CD3E: variants seen among roughly 807,000 people sequenced by gnomAD.
The protein encoded by CD3E is CD3 epsilon subunit of T-cell receptor complex, also known as T-cell surface glycoprotein CD3 epsilon chain.
CD3E carries 16 observed loss-of-function variants against 34.7 expected under a neutral mutation model. The observed-to-expected ratio is 0.46, with a 90% CI of 0.31 to 0.70. The LOEUF is 0.70. Among genes scored for constraint, CD3E ranks in the 30% least tolerant of loss-of-function variants. The pLI, the probability that CD3E is intolerant of heterozygous loss-of-function variation, is 0.05. For missense variants in CD3E, 223 were observed against 253.9 expected, an observed-to-expected ratio of 0.88 and a Z score of 0.83; for synonymous variants, 70 against 90.8, an observed-to-expected ratio of 0.77 and a Z score of 1.30.
At chr11:118,307,158 G>C in intron 2 of CD3E, 130 bp from the exon 3 acceptor site, 1 of 711,490 alleles carries the variant, frequency 1.4e-6, no homozygotes, top group East Asian at 2.6e-5. Flanking sequence ...AAATGGCTGT[G>C]ACCCAGCAGC....
intron 8 of CD3E, among the ~76,000 whole-genome samples, chr11:118,315,046 T>G (rs932377413): frequency 6.7e-6 from 1 of 149,870 alleles, no homozygotes; most frequent in Non-Finnish European, 1.5e-5. Context: ...GCCTCTTGAG[T>G]TGGGGTAACA....
At chr11:118,308,472 G>A (rs766052780) in intron 4 of CD3E, 31 bp downstream of exon 4, 1 of 1,457,588 alleles carries the variant, frequency 6.9e-7, no homozygotes, top group Admixed American at 1.7e-5. Context: ...TCTAGCAAAA[G>A]TTTTCAAATA....
intron 2 of CD3E, among the ~76,000 whole-genome samples, 198 bp downstream of exon 2, chr11:118,305,199 G>C (rs558974014): frequency 3.3e-5 from 5 of 152,368 alleles, no homozygotes; most frequent in African/African-American, 1.2e-4. Context: ...AGCGTTCGGG[G>C]AGCAGGCAAA....
intron 8 of CD3E, among the ~76,000 whole-genome samples, chr11:118,315,118 G>A (rs1948159061): frequency 6.6e-6 from 1 of 152,056 alleles, no homozygotes; most frequent in Non-Finnish European, 1.5e-5. Context: ...TGGTATGTGT[G>A]CACTCCTAGT....
Position 118,304,997 on chromosome 11 carries a change from A to C in CD3E, c.45A>C (p.Leu15Phe), listed in dbSNP as rs1948097990. ...THWRVLGLCL[L>F]SVGVWGQDGN... ...GGAGAGTTCTGGGCCTCTGCCTCTT[A>C]TCAGGTGAGTAGGATGGAGTGGAAA... The change falls in exon 2 of 9, where the codon TTA becomes TTC. Residue 15 changes from leucine to phenylalanine, a missense_variant. Transcript: ENST00000361763. 19 of 1,613,858 alleles carry C rather than the reference A, an allele frequency of 1.2e-5. No individual in the cohort carries two copies. In the East Asian group the frequency reaches 4.2e-4, roughly 36 times the overall value.
At chr11:118,313,670 T>G (rs757942732) in intron 6 of CD3E, 37 bp from the exon 7 acceptor site, 4 of 1,606,898 alleles carry the variant, frequency 2.5e-6, no homozygotes, top group Non-Finnish European at 3.4e-6. Context: ...TTTTCCTTGC[T>G]TAGTGATTTC....
intron 1 of CD3E, 52 bp downstream of exon 1, chr11:118,304,828 A>G (rs1477730544): frequency 1.2e-6 from 1 of 835,254 alleles, no homozygotes; most frequent in East Asian, 2.4e-5. Flanking sequence ...ATTGGGAACA[A>G]TGGCCCCAGG....
In CD3E at chr11:118,314,500, G is replaced by T. The variant is rs185185591; in HGVS notation, c.567+6G>T. 3.1e-6 allele frequency: 5 copies of T among 1,613,700 alleles called. No individual in the cohort carries two copies. Among genetic ancestry groups the T allele is most frequent in the Non-Finnish European group, 4.2e-6 (5 of 1,179,636 alleles). On this transcript the variant is annotated splice_donor_region_variant and intron_variant, in intron 8 of 8. Coordinates refer to ENST00000361763, the MANE Select transcript of CD3E (RefSeq NM_000733.4). Reference sequence around the variant, plus strand: ...TTCCCAACCCAGACTATGAGGTAACGTGGGATAGAAATGGGCCAGGACGCT... The same window carrying T: ...TTCCCAACCCAGACTATGAGGTAACTTGGGATAGAAATGGGCCAGGACGCT...
At position 118,315,578 on chromosome 11, in the gene CD3E, C is replaced by T. The variant is rs1408906615; in HGVS notation, c.*36C>T. On this transcript the variant is annotated 3_prime_UTR_variant, in exon 9 of 9. Coordinates refer to ENST00000361763, the MANE Select transcript of CD3E (RefSeq NM_000733.4). ...AACACTGCCTCCCGCTGGCCCAGGTCTCCTCTCCAGTCCCCCTGCGACTCC... is the reference window on the plus strand; with the variant it reads ...AACACTGCCTCCCGCTGGCCCAGGTTTCCTCTCCAGTCCCCCTGCGACTCC... 1.9e-6 allele frequency: 3 copies of T among 1,560,690 alleles called. No homozygotes were observed. Among genetic ancestry groups the T allele is most frequent in the Non-Finnish European group, 1.8e-6 (2 of 1,140,586 alleles).
intron 5 of CD3E, 115 bp from the exon 6 acceptor site, chr11:118,312,503 G>C (rs999191458): frequency 1.2e-5 from 15 of 1,243,006 alleles, no homozygotes; most frequent in African/African-American, 3.0e-5. Context: ...TGACAAGCAA[G>C]TCTAAGATCT....
In CD3E at chr11:118,315,480, C is replaced by G. The variant is rs1948161061; in HGVS notation, c.568-6C>G. Reference sequence around the variant, plus strand: ...ACTGACCGCCCCCTCTCTATTTCACCCCCAGCCCATCCGGAAAGGCCAGCG... The same window carrying G: ...ACTGACCGCCCCCTCTCTATTTCACGCCCAGCCCATCCGGAAAGGCCAGCG... On this transcript the variant is annotated splice_polypyrimidine_tract_variant and splice_region_variant and intron_variant, in intron 8 of 8. Transcript: ENST00000361763. 1 of 1,613,044 alleles carries G rather than the reference C, an allele frequency of 6.2e-7. No homozygotes were observed. The highest frequency in any genetic ancestry group is 8.5e-7 in the Non-Finnish European group (1 of 1,179,618).
At position 118,315,883 on chromosome 11, in the gene CD3E, G is replaced by A. The variant is rs1308212904; in HGVS notation, c.*341G>A. 2.3e-6 allele frequency: 1 copy of A among 435,876 alleles called. No individual in the cohort carries two copies. The highest frequency in any genetic ancestry group is 4.2e-6 in the Non-Finnish European group (1 of 238,430). 27.0% of individuals were successfully genotyped at this position (435,876 alleles called of 1,614,324 possible). On this transcript the variant is annotated 3_prime_UTR_variant, in exon 9 of 9. Coordinates refer to ENST00000361763, the MANE Select transcript of CD3E (RefSeq NM_000733.4). ...AGTTCCCTCCTTTTCTTGCATGTAA[G>A]TTGTCCCCCATCCCAAAGTATTCCA...
chr11:118,314,630 T>C (rs1948155552), intron 8 of CD3E, 136 bp downstream of exon 8: 4 of 762,814 alleles, frequency 5.2e-6, no homozygotes, highest in Non-Finnish European at 9.1e-6. Flanking sequence ...CAACCCTCTA[T>C]GTGCCACCTC....
chr11:118,313,348 A>G, intron 6 of CD3E: 1 of 380,782 alleles, frequency 2.6e-6, no homozygotes, highest in East Asian at 6.3e-5. Flanking sequence ...CTTATCAAGG[A>G]TTCTTTTTCA....
chr11:118,312,246 G>T (rs765526064), intron 5 of CD3E, 76 bp downstream of exon 5: 22 of 1,268,300 alleles, frequency 1.7e-5, no homozygotes, highest in Non-Finnish European at 2.5e-5. Flanking sequence ...AACTGATTGA[G>T]AGAGATTAAC....
chr11:118,305,770 A>G (rs1948102168), intron 2 of CD3E, among the ~76,000 whole-genome samples: 1 of 152,228 alleles, frequency 6.6e-6, no homozygotes, highest in South Asian at 2.1e-4. Context: ...TAAACCACAT[A>G]GTAAGTGCCG....
At chr11:118,310,157 TGTGCAG>T (rs1565510753) in intron 4 of CD3E, among the ~76,000 whole-genome samples, 2 of 152,238 alleles carry the variant, frequency 1.3e-5, no homozygotes, top group African/African-American at 4.8e-5. Context: ...CAGGGGTACA[TGTGCAG>T]GTTTGTTATA....
At chr11:118,312,520 C>A in intron 5 of CD3E, 98 bp from the exon 6 acceptor site, 2 of 1,378,038 alleles carry the variant, frequency 1.5e-6, no homozygotes, top group Non-Finnish European at 2.1e-6. Flanking sequence ...ATCTAGATGA[C>A]AGATGACTTC....
intron 8 of CD3E, 66 bp from the exon 9 acceptor site, chr11:118,315,420 A>G: frequency 7.3e-7 from 1 of 1,375,642 alleles, no homozygotes; most frequent in Non-Finnish European, 1.0e-6. Context: ...CTAGCTCTTC[A>G]GTGTCCTTTC....
Sources: gnomAD v4.1 joint callset for allele counts (sites outside exome capture counted in the v4.1 genomes callset) on GRCh38, gnomAD v4.1.1 for gene constraint, MANE v1.5 for transcripts, NCBI Gene and HGNC (gene_info 2026-07-23, HGNC 2026-07-21) for gene names.